SLC39A10: variants seen among roughly 807,000 people sequenced by gnomAD.
SLC39A10 encodes solute carrier family 39 member 10, also known as zinc transporter ZIP10.
Under a neutral mutation model 65.1 loss-of-function variants are expected in SLC39A10, and 13 were observed. The observed-to-expected ratio is 0.20, with a 90% CI of 0.13 to 0.32. SLC39A10 has a LOEUF of 0.32. SLC39A10 is among the 10% of genes least tolerant of loss of function. The probability of loss-of-function intolerance (pLI) is 1.00; values close to 1 mark genes in which losing one functional copy is unlikely to be tolerated. For synonymous variants in SLC39A10, 321 were observed against 342.2 expected, an observed-to-expected ratio of 0.94 and a Z score of 0.68; for missense variants, 831 against 1,018.4, an observed-to-expected ratio of 0.82 and a Z score of 2.50.
chr2:195,716,806 T>C lies in SLC39A10; in HGVS notation c.1866T>C (p.His622=). The change falls in exon 7 of 10, where the codon CAT becomes CAC. Residue 622 remains histidine (H), a synonymous_variant. Coordinates refer to ENST00000359634, the MANE Select transcript of SLC39A10 (RefSeq NM_020342.3). The part of the protein sequence containing the change: ...GLHTIHEHDL[H]AAAHNHHGEN... Reference sequence around the variant, plus strand: ...ATACCATTCATGAGCATGATCTCCATGCTGCTGCACATAACCACCACGGCG... The same window carrying C: ...ATACCATTCATGAGCATGATCTCCACGCTGCTGCACATAACCACCACGGCG... 1 of 1,614,206 alleles carries C rather than the reference T, an allele frequency of 6.2e-7. No homozygotes were observed. The highest frequency in any genetic ancestry group is 8.5e-7 in the Non-Finnish European group (1 of 1,180,026).
intron 1 of SLC39A10, among the ~76,000 whole-genome samples, chr2:195,667,670 A>T (rs1407796567): frequency 2.0e-5 from 3 of 152,216 alleles, no homozygotes; most frequent in Non-Finnish European, 4.4e-5. Context: ...GCAGTTTCGT[A>T]TACATTGGTT....
intron 4 of SLC39A10, among the ~76,000 whole-genome samples, chr2:195,707,083 T>C (rs1173009890): frequency 6.6e-6 from 1 of 152,146 alleles, no homozygotes; most frequent in Non-Finnish European, 1.5e-5. Context: ...CAGGTTAGCC[T>C]TTAGGAGAAA....
intron 3 of SLC39A10, among the ~76,000 whole-genome samples, chr2:195,691,680 A>G (rs1041976913): frequency 1.3e-5 from 2 of 152,038 alleles, no homozygotes; most frequent in African/African-American, 2.4e-5. Flanking sequence ...AGAGTTGTCT[A>G]TTCATGCCCT....
At chr2:195,723,301 A>T (rs904334669) in intron 8 of SLC39A10, among the ~76,000 whole-genome samples, 1 of 152,212 alleles carries the variant, frequency 6.6e-6, no homozygotes, top group Non-Finnish European at 1.5e-5. Context: ...TTAAGTTACA[A>T]TACTACTTTG....
At chr2:195,696,557 A>G (rs1042079939) in intron 3 of SLC39A10, among the ~76,000 whole-genome samples, 1 of 152,110 alleles carries the variant, frequency 6.6e-6, no homozygotes, top group Non-Finnish European at 1.5e-5. Context: ...TAGCATTTAT[A>G]TTGTGTTAGA....
intron 2 of SLC39A10, among the ~76,000 whole-genome samples, chr2:195,617,938 A>C (rs1469050601): frequency 6.8e-6 from 1 of 148,124 alleles, no homozygotes; most frequent in Non-Finnish European, 1.5e-5. Flanking sequence ...ACGGGGTTTC[A>C]CCATGTTAGC....
At chr2:195,621,648 A>G (rs556236859) in intron 2 of SLC39A10, among the ~76,000 whole-genome samples, 2 of 152,362 alleles carry the variant, frequency 1.3e-5, no homozygotes, top group South Asian at 4.1e-4. Context: ...TAGGGAGAAA[A>G]GGTCCAGAGC....
intron 9 of SLC39A10, among the ~76,000 whole-genome samples, chr2:195,729,080 C>T (rs1692342516): frequency 6.6e-6 from 1 of 151,740 alleles, no homozygotes; most frequent in Non-Finnish European, 1.5e-5. Context: ...TCAAGCAATC[C>T]TCCTGCCTCA....
chr2:195,675,322 AC>A (rs1478906059), intron 1 of SLC39A10, among the ~76,000 whole-genome samples: 1 of 152,182 alleles, frequency 6.6e-6, no homozygotes, highest in Non-Finnish European at 1.5e-5. Flanking sequence ...TCCTAGAATC[AC>A]CCATTTCTCC....
chr2:195,678,844 T>C (rs1387968983), intron 1 of SLC39A10, among the ~76,000 whole-genome samples: 1 of 152,086 alleles, frequency 6.6e-6, no homozygotes, highest in African/African-American at 2.4e-5. Context: ...TTATATTGAT[T>C]AGATGTTGAA....
At chr2:195,663,702 GAAAA>G (rs58084192) in intron 1 of SLC39A10, among the ~76,000 whole-genome samples, 13 of 102,558 alleles carry the variant, frequency 1.3e-4, no homozygotes, top group Non-Finnish European at 2.4e-4. Flanking sequence ...TAGAAGTTAT[GAAAA>G]AAAAAGAAAT....
chr2:195,674,834 C>T (rs2105758725), intron 1 of SLC39A10, among the ~76,000 whole-genome samples: 1 of 150,934 alleles, frequency 6.6e-6, no homozygotes, highest in Middle Eastern at 3.4e-3. Flanking sequence ...ATACTGAATA[C>T]TGTAGGCAGT....
At chr2:195,635,958 A>G (rs1000055529) in intron 2 of SLC39A10, among the ~76,000 whole-genome samples, 1 of 152,232 alleles carries the variant, frequency 6.6e-6, no homozygotes, top group African/African-American at 2.4e-5. Flanking sequence ...TGCATGATAC[A>G]AAATCACAGA....
At chr2:195,623,808 A>T (rs539574699) in intron 2 of SLC39A10, among the ~76,000 whole-genome samples, 1 of 152,026 alleles carries the variant, frequency 6.6e-6, no homozygotes, top group Non-Finnish European at 1.5e-5. Context: ...CACTGTGAAT[A>T]TGCTTGTAAC....
In SLC39A10 at chr2:195,617,700, GTTTCTTTTCT is replaced by G. The variant is rs58481026; in HGVS notation, c.-12+11486_-12+11495del. Among the ~76,000 whole-genome samples the G allele has an allele frequency of 8.1e-3, 790 of 97,598 alleles. 6 individuals carry two copies. The highest frequency in any genetic ancestry group is 0.023 in the African/African-American group (648 of 27,732). 64.0% of individuals were successfully genotyped at this position (97,598 alleles called of 152,430 possible). ...AGCCTAGGCAACATAGTGAGACCTT[GTTTCTTTTCT>G]TTTCTTTTCTTTTCTTTTATTTTAT... On this transcript the variant is annotated intron_variant, in intron 2 of 2. Coordinates refer to the SLC39A10 transcript ENST00000458054.
chr2:195,668,596 A>G (rs1362842624), intron 1 of SLC39A10, among the ~76,000 whole-genome samples: 1 of 152,236 alleles, frequency 6.6e-6, no homozygotes, highest in African/African-American at 2.4e-5. Context: ...TGGGTATGAA[A>G]GAAAGAATTG....
At chr2:195,722,310 T>C (rs561369080) in intron 8 of SLC39A10, among the ~76,000 whole-genome samples, 2 of 152,368 alleles carry the variant, frequency 1.3e-5, no homozygotes, top group Admixed American at 1.3e-4. Flanking sequence ...TATACCATAC[T>C]GTAGCTGGAT....
intron 1 of SLC39A10, among the ~76,000 whole-genome samples, chr2:195,672,231 A>G (rs781114219): frequency 3.9e-5 from 6 of 152,068 alleles, no homozygotes; most frequent in Non-Finnish European, 7.4e-5. Flanking sequence ...CCTGGGTTCA[A>G]TCAATCCTCC....
At chr2:195,674,112 A>G (rs1689983742) in intron 1 of SLC39A10, among the ~76,000 whole-genome samples, 1 of 152,182 alleles carries the variant, frequency 6.6e-6, no homozygotes, top group Non-Finnish European at 1.5e-5. Flanking sequence ...TGCAATTTTA[A>G]AAATTATATT....
Sources: allele counts gnomAD v4.1 joint callset (sites outside exome capture counted in the v4.1 genomes callset), GRCh38; gene constraint gnomAD v4.1.1; transcripts MANE v1.5; gene names NCBI Gene and HGNC (gene_info 2026-07-23, HGNC 2026-07-21).